The following LAMB3 variants were observed in gnomAD, a reference collection of about 807,000 sequenced individuals.
LAMB3 encodes the protein laminin subunit beta 3, also known as laminin subunit beta-3.
A neutral mutation model predicts 140.3 loss-of-function variants in LAMB3; 104 were observed. The observed-to-expected ratio is 0.74, with a 90% CI of 0.63 to 0.87. The LOEUF is 0.87. Among genes scored for constraint, LAMB3 ranks in the 40% least tolerant of loss-of-function variants. The pLI is 0.00. For missense variants in LAMB3, 1,531 were observed against 1,575.2 expected (o/e 0.97, Z 0.47); for synonymous variants, 592 against 602.9 (o/e 0.98, Z 0.26).
chr1:209,642,463 G>A (rs901463135), intron 3 of LAMB3, among the ~76,000 whole-genome samples: 1 of 139,894 alleles, frequency 7.1e-6, no homozygotes, highest in Non-Finnish European at 1.5e-5. Context: ...TTATGTTTAA[G>A]CTTTTTTGTT....
chr1:209,628,161 G>T lies in LAMB3; in HGVS notation c.1162C>A (p.Pro388Thr). Reference sequence around the variant, plus strand: ...GTCACTGGGTCACAGGGAGCCCCTGGCACTGCCCCATCCGGATCACACTCG... The same window carrying T: ...GTCACTGGGTCACAGGGAGCCCCTGTCACTGCCCCATCCGGATCACACTCG... ...SCECDPDGAV[P>T]GAPCDPVTGQ... The change falls in exon 11 of 23, where the codon CCA becomes ACA. Residue 388 changes from proline to threonine, a missense_variant. Transcript: ENST00000356082. The T allele has an allele frequency of 1.9e-6, 3 of 1,567,422 alleles. No individual in the cohort carries two copies. Among genetic ancestry groups the T allele is most frequent in the Non-Finnish European group, 2.6e-6 (3 of 1,155,304 alleles).
At chr1:209,627,107 T>A (rs1203468590) in intron 12 of LAMB3, 129 bp from the exon 13 acceptor site, 1 of 780,074 alleles carries the variant, frequency 1.3e-6, no homozygotes, top group East Asian at 2.7e-5. Flanking sequence ...CCAGAGCTGC[T>A]GTGCCCACAA....
intron 1 of LAMB3, among the ~76,000 whole-genome samples, chr1:209,651,991 T>G (rs2076570263): frequency 6.6e-6 from 1 of 152,116 alleles, no homozygotes; most frequent in Admixed American, 6.5e-5. Flanking sequence ...GGAGGGAACA[T>G]GTGGCCTGGG....
At chr1:209,646,507 C>T (rs186631487) in intron 3 of LAMB3, among the ~76,000 whole-genome samples, 201 of 152,342 alleles carry the variant, frequency 1.3e-3, no homozygotes, top group African/African-American at 4.5e-3. Context: ...TCCTCACCCC[C>T]AGTCTGGGGT....
chr1:209,630,224 A>G (rs1666629336), intron 9 of LAMB3, among the ~76,000 whole-genome samples: 1 of 152,162 alleles, frequency 6.6e-6, no homozygotes, highest in Non-Finnish European at 1.5e-5. Flanking sequence ...CAACCCTCCC[A>G]CTGCCAACAC....
In LAMB3 at chr1:209,615,078, G is replaced by C; in HGVS notation, c.*193C>G. Reference sequence around the variant, plus strand: ...AATCTCCACCATCTTTGTCTGTCAAGTGTAACTGTCCCATTGGCTCAGGCT... The same window carrying C: ...AATCTCCACCATCTTTGTCTGTCAACTGTAACTGTCCCATTGGCTCAGGCT... On this transcript the variant is annotated 3_prime_UTR_variant, in exon 23 of 23. Coordinates refer to ENST00000356082, the MANE Select transcript of LAMB3 (RefSeq NM_000228.3). 1 of 621,118 alleles carries C rather than the reference G, an allele frequency of 1.6e-6. No homozygotes were observed. Among genetic ancestry groups the C allele is most frequent in the South Asian group, 2.0e-5 (1 of 49,322 alleles). 38.5% of individuals were successfully genotyped at this position (621,118 alleles called of 1,614,324 possible). A position where few individuals can be genotyped will look rare whatever the true frequency, so the allele number is the denominator to read the frequency against.
In LAMB3 at chr1:209,625,921, T is replaced by C. The variant is rs540286145; in HGVS notation, c.1703A>G (p.Gln568Arg). ...CGGGTAGCGATTACAGTAGCCTCGC[T>C]GGCACTGGTCACAGCGGGGCCCGGT... is the stretch of plus-strand genomic sequence containing the variant. ...GLTGPRCDQC[Q>R]RGYCNRYPVC... Residue 568 changes from glutamine (Q) to arginine (R), a missense_variant, in exon 14 of 23, where the codon CAG becomes CGG. Gln to Arg is a conservative substitution (Grantham distance 43). Coordinates refer to ENST00000356082, the MANE Select transcript of LAMB3 (RefSeq NM_000228.3). The C allele has an allele frequency of 6.2e-7, 1 of 1,613,858 alleles. No individual in the cohort carries two copies. Among genetic ancestry groups the C allele is most frequent in the South Asian group, 1.1e-5 (1 of 91,080 alleles).
At chr1:209,649,815 C>A in intron 3 of LAMB3, 149 bp downstream of exon 3, 1 of 853,624 alleles carries the variant, frequency 1.2e-6, no homozygotes. Context: ...AGGCAAGGAT[C>A]TGGCCTTATA....
chr1:209,649,358 A>G (rs535910219), intron 3 of LAMB3, among the ~76,000 whole-genome samples: 151 of 152,336 alleles, frequency 9.9e-4, no homozygotes, highest in African/African-American at 3.2e-3. Flanking sequence ...AAACAAAAAG[A>G]AAACCAAAGT....
chr1:209,622,784 A>G (rs1666251818), intron 17 of LAMB3, 104 bp from the exon 18 acceptor site: 2 of 1,510,994 alleles, frequency 1.3e-6, no homozygotes, highest in South Asian at 1.1e-5. Flanking sequence ...CTACCTAGGA[A>G]GCATTTGTAA....
rs759084687 is a variant in LAMB3, at chr1:209,630,681, A to T, written c.877T>A (p.Cys293Ser). The T allele has an allele frequency of 1.9e-6, 3 of 1,613,922 alleles. No homozygotes were observed. Among genetic ancestry groups the T allele is most frequent in the Non-Finnish European group, 2.5e-6 (3 of 1,179,990 alleles). The part of the protein sequence containing the change: ...HNTAGPNCER[C>S]APFYNNRPWR... ...GGCCGGTTGTTGTAGAAGGGTGCAC[A>T]GCGCTCACAATTTGGGCCGGCAGTG... The change falls in exon 9 of 23, where the codon TGT becomes AGT. Residue 293 changes from cysteine to serine, a missense_variant. Transcript: ENST00000356082.
intron 5 of LAMB3, among the ~76,000 whole-genome samples, chr1:209,637,114 G>T (rs1220262720): frequency 1.3e-5 from 2 of 152,208 alleles, no homozygotes; most frequent in Non-Finnish European, 2.9e-5. Flanking sequence ...CACCTTTAGA[G>T]ACTGGGCATT....
chr1:209,651,138 G>A, intron 1 of LAMB3, 157 bp from the exon 2 acceptor site: 1 of 655,380 alleles, frequency 1.5e-6, no homozygotes, highest in Non-Finnish European at 2.8e-6. Flanking sequence ...TTGTAGCTTG[G>A]AAAATGCTGG....
Position 209,617,424 on chromosome 1 carries a change from A to G in LAMB3, c.3214T>C (p.Leu1072=). 6.2e-7 allele frequency: 1 copy of G among 1,612,642 alleles called. No homozygotes were observed. Among genetic ancestry groups the G allele is most frequent in the Non-Finnish European group, 8.5e-7 (1 of 1,180,012 alleles). The change falls in exon 21 of 23, where the codon TTG becomes CTG. Residue 1072 remains leucine (L), a synonymous_variant. Transcript: ENST00000356082. ...QLAEGASEQA[L]SAQEGFERIK... is the part of the protein sequence containing the mutation. ...CTTCTCTGTACCTCTTGGGCACTCA[A>G]TGCCTGCTCGCTGGCACCTTCCGCA... is the stretch of plus-strand genomic sequence containing the variant.
intron 5 of LAMB3, among the ~76,000 whole-genome samples, chr1:209,636,769 A>G (rs891469864): frequency 2.0e-5 from 3 of 152,100 alleles, no homozygotes; most frequent in Non-Finnish European, 4.4e-5. Flanking sequence ...ATGAAAGTTC[A>G]TCTTCCCCTG....
chr1:209,628,572 C>T (rs1666561847), intron 10 of LAMB3, among the ~76,000 whole-genome samples: 1 of 151,800 alleles, frequency 6.6e-6, no homozygotes, highest in Non-Finnish European at 1.5e-5. Context: ...TGGCGCATGC[C>T]TGTAATGCCA....
chr1:209,636,890 T>A (rs995097177), intron 5 of LAMB3, among the ~76,000 whole-genome samples: 3 of 152,236 alleles, frequency 2.0e-5, no homozygotes, highest in Admixed American at 2.0e-4. Context: ...CTCTCACTAC[T>A]GACTTCCCCA....
At chr1:209,632,306 G>A (rs931247772) in intron 8 of LAMB3, among the ~76,000 whole-genome samples, 12 of 152,326 alleles carry the variant, frequency 7.9e-5, no homozygotes, top group East Asian at 3.9e-4. Flanking sequence ...AATGCATAAC[G>A]AGGGTTGAGA....
In LAMB3 at chr1:209,624,015, G is replaced by A; in HGVS notation, c.1977-15C>T. 1 of 1,609,786 alleles carries A rather than the reference G, an allele frequency of 6.2e-7. No homozygotes were observed. Among genetic ancestry groups the A allele is most frequent in the Non-Finnish European group, 8.5e-7 (1 of 1,179,576 alleles). ...GGAGAGTTCGCCTGAGAAGGGAGAG[G>A]AGCTTACACTAAAATATAGGAGGGA... On this transcript the variant is annotated splice_polypyrimidine_tract_variant and intron_variant, in intron 14 of 22. Coordinates refer to ENST00000356082, the MANE Select transcript of LAMB3 (RefSeq NM_000228.3).
Sources: gnomAD v4.1 joint callset for allele counts (sites outside exome capture counted in the v4.1 genomes callset) on GRCh38, gnomAD v4.1.1 for gene constraint, MANE v1.5 for transcripts, NCBI Gene and HGNC (gene_info 2026-07-23, HGNC 2026-07-21) for gene names.